Variants in RAP1GDS1 observed in about 807,000 individuals in gnomAD.
The protein encoded by RAP1GDS1 is Rap1 GTPase-GDP dissociation stimulator 1.
In RAP1GDS1, 35 loss-of-function variants were observed where a neutral mutation model predicts 71.1. That is an observed-to-expected ratio of 0.49 (90% CI 0.38 to 0.65). RAP1GDS1 has a LOEUF of 0.65. RAP1GDS1 is among the 30% of genes least tolerant of loss of function. RAP1GDS1 has a pLI of 0.00. For missense variants in RAP1GDS1, 663 were observed against 706.1 expected (o/e 0.94, Z 0.69); for synonymous variants, 229 against 243.1 (o/e 0.94, Z 0.54).
At chr4:98,418,554 T>G in intron 9 of RAP1GDS1, 103 bp from the exon 10 acceptor site, 1 of 1,045,924 alleles carries the variant, frequency 9.6e-7, no homozygotes, top group Non-Finnish European at 1.3e-6. Context: ...TTTTATTGTA[T>G]AGCTCCATTT....
At chr4:98,298,000 C>T (rs1167289393) in intron 2 of RAP1GDS1, among the ~76,000 whole-genome samples, 2 of 152,156 alleles carry the variant, frequency 1.3e-5, no homozygotes, top group Non-Finnish European at 2.9e-5. Context: ...TCTAAACAGC[C>T]TTATTACTGA....
At chr4:98,358,265 A>G (rs747697825) in intron 4 of RAP1GDS1, among the ~76,000 whole-genome samples, 54 of 152,144 alleles carry the variant, frequency 3.5e-4, no homozygotes, top group Middle Eastern at 6.8e-3. Flanking sequence ...TACTGGCATT[A>G]TAGTGTACCT....
At chr4:98,323,591 A>G (rs1441574418) in intron 2 of RAP1GDS1, among the ~76,000 whole-genome samples, 1 of 138,204 alleles carries the variant, frequency 7.2e-6, no homozygotes, top group Non-Finnish European at 1.5e-5. Flanking sequence ...AGTGGGCTTC[A>G]TCCCTGGGAT....
chr4:98,271,373 C>T (rs1301557470), intron 1 of RAP1GDS1, among the ~76,000 whole-genome samples: 1 of 152,000 alleles, frequency 6.6e-6, no homozygotes, highest in African/African-American at 2.4e-5. Context: ...AACTAAACGC[C>T]TTTCTCCAAA....
rs572534071 is a variant in RAP1GDS1, at chr4:98,303,823, G to A, written c.112+10308G>A. On this transcript the variant is annotated intron_variant, in intron 2 of 14. Transcript: ENST00000408927. ...TTCACCTAGGTATTAAGCCCCACAT[G>A]CATTAGCTGTTTATCCTGATGCTCT... Among the ~76,000 whole-genome samples the A allele has an allele frequency of 2.4e-4, 37 of 152,044 alleles. No individual in the cohort carries two copies. In the South Asian group the frequency reaches 7.3e-3, roughly 30 times the overall value.
intron 12 of RAP1GDS1, among the ~76,000 whole-genome samples, chr4:98,425,334 G>A (rs1749460301): frequency 6.6e-6 from 1 of 151,912 alleles, no homozygotes; most frequent in Non-Finnish European, 1.5e-5. Flanking sequence ...TAAAAAAAAA[G>A]TGGGGGGTAT....
chr4:98,374,681 C>T (rs530700401), intron 4 of RAP1GDS1, among the ~76,000 whole-genome samples: 3 of 152,270 alleles, frequency 2.0e-5, no homozygotes, highest in Admixed American at 1.3e-4. Context: ...GAACTAGGTT[C>T]ATGTTTTGTT....
At chr4:98,345,905 G>A (rs1736177454) in intron 3 of RAP1GDS1, among the ~76,000 whole-genome samples, 2 of 152,164 alleles carry the variant, frequency 1.3e-5, no homozygotes, top group South Asian at 4.1e-4. Flanking sequence ...CTGAAAGATT[G>A]GGCTGGTAAC....
chr4:98,400,802 A>G (rs927725359), intron 6 of RAP1GDS1, among the ~76,000 whole-genome samples: 1 of 152,194 alleles, frequency 6.6e-6, no homozygotes, highest in Non-Finnish European at 1.5e-5. Flanking sequence ...ATTATATGTA[A>G]CACCACAGTG....
intron 4 of RAP1GDS1, among the ~76,000 whole-genome samples, chr4:98,358,403 C>T (rs1234226392): frequency 6.6e-6 from 1 of 151,834 alleles, no homozygotes; most frequent in Non-Finnish European, 1.5e-5. Flanking sequence ...TAGTATATCC[C>T]GAGTGTGTTG....
chr4:98,395,774 C>G (rs1005786457), intron 6 of RAP1GDS1, among the ~76,000 whole-genome samples: 5 of 152,184 alleles, frequency 3.3e-5, no homozygotes, highest in South Asian at 2.1e-4. Context: ...ATAGTGCTTG[C>G]CACATATTAT....
intron 4 of RAP1GDS1, among the ~76,000 whole-genome samples, chr4:98,371,748 G>A (rs1191243113): frequency 2.0e-5 from 3 of 152,050 alleles, no homozygotes; most frequent in South Asian, 4.2e-4. Context: ...ACGAGCCTCC[G>A]CCCCTGGCCA....
intron 2 of RAP1GDS1, among the ~76,000 whole-genome samples, chr4:98,321,551 C>A (rs1320881103): frequency 3.3e-5 from 5 of 150,208 alleles, no homozygotes; most frequent in African/African-American, 1.2e-4. Context: ...AAGGGAAGCC[C>A]ATCAGACTAA....
At chr4:98,263,134 G>T (rs968294871) in intron 1 of RAP1GDS1, among the ~76,000 whole-genome samples, 2 of 152,042 alleles carry the variant, frequency 1.3e-5, no homozygotes, top group Admixed American at 6.5e-5. Context: ...AACATACACA[G>T]ATAAAATACA....
intron 1 of RAP1GDS1, among the ~76,000 whole-genome samples, chr4:98,269,041 A>T (rs1193982500): frequency 6.6e-6 from 1 of 152,030 alleles, no homozygotes; most frequent in Non-Finnish European, 1.5e-5. Context: ...ATCACACTAC[A>T]TGCTTCAAGT....
intron 1 of RAP1GDS1, among the ~76,000 whole-genome samples, chr4:98,287,053 AT>A (rs1428360495): frequency 3.3e-5 from 5 of 152,054 alleles, no homozygotes; most frequent in African/African-American, 9.7e-5. Context: ...TTGTGTCATA[AT>A]TTCTAAAAAA....
intron 3 of RAP1GDS1, among the ~76,000 whole-genome samples, chr4:98,347,450 T>C (rs975430154): frequency 6.6e-6 from 1 of 152,220 alleles, no homozygotes; most frequent in Non-Finnish European, 1.5e-5. Context: ...TTTATTGATA[T>C]TGAAATAGAG....
At chr4:98,370,969 C>G (rs1740285961) in intron 4 of RAP1GDS1, among the ~76,000 whole-genome samples, 1 of 152,166 alleles carries the variant, frequency 6.6e-6, no homozygotes, top group South Asian at 2.1e-4. Context: ...TCTACTGTAC[C>G]TGACACAAAG....
intron 1 of RAP1GDS1, among the ~76,000 whole-genome samples, chr4:98,269,173 C>CAAAAAA (rs56015226): frequency 1.2e-4 from 7 of 56,874 alleles, no homozygotes; most frequent in East Asian, 5.5e-4. Context: ...AATTGATCTT[C>CAAAAAA]AAAAAAAAAA....
Sources: gnomAD v4.1 joint callset for allele counts (sites outside exome capture counted in the v4.1 genomes callset) on GRCh38, gnomAD v4.1.1 for gene constraint, MANE v1.5 for transcripts, NCBI Gene and HGNC (gene_info 2026-07-23, HGNC 2026-07-21) for gene names.